The following COL22A1 variants were observed in gnomAD, a reference collection of about 807,000 sequenced individuals.
The protein encoded by COL22A1 is collagen type XXII alpha 1 chain, also known as collagen alpha-1(XXII) chain.
Under a neutral mutation model 248.9 loss-of-function variants are expected in COL22A1, and 221 were observed. That is an observed-to-expected ratio of 0.89 (90% CI 0.80 to 0.99). The LOEUF (loss-of-function observed/expected upper bound fraction) is 0.99, where lower values mean the gene tolerates loss of function less well. COL22A1 is among the 50% of genes least tolerant of loss of function. COL22A1 has a pLI of 0.00. For missense variants in COL22A1, 2,240 were observed against 2,179.0 expected (o/e 1.03, Z -0.56); for synonymous variants, 891 against 793.4 (o/e 1.12, Z -2.07).
chr8:138,749,561 G>C (rs1292698210), intron 22 of COL22A1, among the ~76,000 whole-genome samples: 1 of 152,232 alleles, frequency 6.6e-6, no homozygotes, highest in East Asian at 1.9e-4. Context: ...TGACAGCCAT[G>C]TCAGCTGTCA....
chr8:138,901,234 T>C (rs1403671458), intron 1 of COL22A1, among the ~76,000 whole-genome samples: 1 of 150,818 alleles, frequency 6.6e-6, no homozygotes, highest in Non-Finnish European at 1.5e-5. Flanking sequence ...ATCTGATTAA[T>C]GGGAAGGAGC....
chr8:138,597,062 G>A, intron 61 of COL22A1, 92 bp from the exon 62 acceptor site: 2 of 991,038 alleles, frequency 2.0e-6, no homozygotes, highest in East Asian at 2.4e-5. Context: ...AAGTTCGTAG[G>A]TGGTATATAC....
At chr8:138,865,918 AGT>A (rs1435998780) in intron 3 of COL22A1, among the ~76,000 whole-genome samples, 1 of 94,360 alleles carries the variant, frequency 1.1e-5, no homozygotes, top group African/African-American at 4.5e-5. Context: ...CCTGCATGTG[AGT>A]GTATATGTGT....
chr8:138,751,578 G>C, intron 21 of COL22A1, 67 bp from the exon 22 acceptor site: 1 of 1,146,058 alleles, frequency 8.7e-7, no homozygotes, highest in Non-Finnish European at 1.3e-6. Context: ...CAATGGCATA[G>C]CTTAGGCTTT....
At chr8:138,790,118 T>C (rs1420418396) in intron 12 of COL22A1, among the ~76,000 whole-genome samples, 2 of 152,158 alleles carry the variant, frequency 1.3e-5, no homozygotes, top group Non-Finnish European at 2.9e-5. Context: ...GCTTGTAAAC[T>C]ACAGAAATTT....
In COL22A1 at chr8:138,755,786, A is replaced by G; in HGVS notation, c.1946T>C (p.Val649Ala). 1 of 1,613,986 alleles carries G rather than the reference A, an allele frequency of 6.2e-7. No homozygotes were observed. The highest frequency in any genetic ancestry group is 8.5e-7 in the Non-Finnish European group (1 of 1,179,952). ...TGATTCCAACCACTGCTGACTCACC[A>G]CTGAGCCTGGTACACCAGGTGGCCC... ...PAGPPGVPGS[V>A]VQQEGLKGEQ... The change falls in exon 19 of 65, where the codon GTG (valine) becomes GCG (alanine). Residue 649 changes from valine to alanine, a missense_variant and splice_region_variant. Val to Ala is a moderately conservative substitution (Grantham distance 64). Coordinates refer to ENST00000303045, the MANE Select transcript of COL22A1 (RefSeq NM_152888.3).
At chr8:138,815,376 G>A (rs925953467) in intron 7 of COL22A1, among the ~76,000 whole-genome samples, 1 of 152,142 alleles carries the variant, frequency 6.6e-6, no homozygotes, top group Non-Finnish European at 1.5e-5. Flanking sequence ...AAGCACGAAA[G>A]CCGAACTCTT....
chr8:138,692,484 T>C (rs865925591), intron 35 of COL22A1, among the ~76,000 whole-genome samples: 2,773 of 69,112 alleles, frequency 0.04, 42 homozygotes, highest in Non-Finnish European at 0.057. Context: ...TGTGTGTGTG[T>C]GTGTGTGTGT....
At chr8:138,800,718 G>A (rs1369652579) in intron 11 of COL22A1, among the ~76,000 whole-genome samples, 1 of 152,142 alleles carries the variant, frequency 6.6e-6, no homozygotes, top group Non-Finnish European at 1.5e-5. Flanking sequence ...GAGCTCCAGA[G>A]TACAACCATG....
chr8:138,688,854 C>G (rs570707629), intron 37 of COL22A1, 63 bp downstream of exon 37: 144 of 1,416,572 alleles, frequency 1.0e-4, no homozygotes, highest in Middle Eastern at 5.3e-4. Context: ...TGAGCTGCTC[C>G]TTCAGTGCCT....
chr8:138,704,776 G>A (rs564109428), intron 30 of COL22A1, among the ~76,000 whole-genome samples: 2 of 152,358 alleles, frequency 1.3e-5, no homozygotes, highest in South Asian at 2.1e-4. Flanking sequence ...GATTGAGAAT[G>A]ACTTTGATGA....
At chr8:138,726,983 G>T (rs1305421815) in intron 23 of COL22A1, among the ~76,000 whole-genome samples, 1 of 152,138 alleles carries the variant, frequency 6.6e-6, no homozygotes, top group African/African-American at 2.4e-5. Flanking sequence ...TTATAAGCAG[G>T]GGCGAGCTGG....
At chr8:138,660,927 GACAC>G (rs1419094424) in intron 43 of COL22A1, among the ~76,000 whole-genome samples, 35 of 82,288 alleles carry the variant, frequency 4.3e-4, no homozygotes, top group African/African-American at 2.2e-3. Flanking sequence ...CACACACACA[GACAC>G]ACAGACACAC....
At chr8:138,645,933 G>A (rs147270484) in intron 47 of COL22A1, among the ~76,000 whole-genome samples, 22 of 152,260 alleles carry the variant, frequency 1.4e-4, no homozygotes, top group African/African-American at 3.6e-4. Context: ...CAATGACAGC[G>A]GGAAGGGAAT....
intron 35 of COL22A1, among the ~76,000 whole-genome samples, chr8:138,692,867 T>TACCTTGACCATACGCAG (rs1298827405): frequency 1.3e-5 from 2 of 152,112 alleles, no homozygotes; most frequent in African/African-American, 4.8e-5. Flanking sequence ...CACTGGTCAC[T>TACCTTGACCATACGCAG]ACCTTGGCAG....
At chr8:138,692,483 G>GCA (rs1321010685) in intron 35 of COL22A1, among the ~76,000 whole-genome samples, 10 of 66,972 alleles carry the variant, frequency 1.5e-4, no homozygotes, top group Non-Finnish European at 3.6e-5. Context: ...GTGTGTGTGT[G>GCA]TGTGTGTGTG....
intron 3 of COL22A1, among the ~76,000 whole-genome samples, chr8:138,846,734 C>T (rs1821276022): frequency 6.6e-6 from 1 of 152,130 alleles, no homozygotes; most frequent in South Asian, 2.1e-4. Flanking sequence ...AAGATATCCC[C>T]ACATCTTGGA....
At position 138,821,210 on chromosome 8, in the gene COL22A1, C is replaced by T. The variant is rs376709287; in HGVS notation, c.1171G>A (p.Glu391Lys). 57 of 1,614,182 alleles carry T rather than the reference C, an allele frequency of 3.5e-5. No homozygotes were observed. The highest frequency in any genetic ancestry group is 1.8e-4 in the East Asian group (8 of 44,884). ...DCALVQTLPI[E>K]ERENIDIQGK... ...TGGATGTCAATGTTCTCCCGTTCCT[C>T]GATGGGTAGTGTCTGCACCAGCGCA... Residue 391 changes from glutamate to lysine, a missense_variant, in exon 7 of 65, where the codon GAG becomes AAG. By Grantham distance (56) the Glu-to-Lys change is moderately conservative. Coordinates refer to ENST00000303045, the MANE Select transcript of COL22A1 (RefSeq NM_152888.3).
At chr8:138,681,792 G>A (rs113214227) in intron 39 of COL22A1, among the ~76,000 whole-genome samples, 113 of 152,266 alleles carry the variant, frequency 7.4e-4, no homozygotes, top group African/African-American at 1.4e-3. Context: ...ATATGATCCC[G>A]CAGTCAGGGA....
Sources: allele counts gnomAD v4.1 joint callset (sites outside exome capture counted in the v4.1 genomes callset), GRCh38; gene constraint gnomAD v4.1.1; transcripts MANE v1.5; gene names NCBI Gene and HGNC (gene_info 2026-07-23, HGNC 2026-07-21).